Variants in SP110 observed in about 807,000 individuals in gnomAD.
SP110 encodes the protein interferon-induced protein 41, 30kD.
SP110 carries 62 observed loss-of-function variants against 92.7 expected under a neutral mutation model. The ratio of observed to expected loss-of-function variants is 0.67; its 90% CI spans 0.55 to 0.83. The LOEUF is 0.83. SP110 is among the 40% of genes least tolerant of loss of function. The pLI is 0.00. For missense variants in SP110, 793 were observed against 863.9 expected (o/e 0.92, Z 1.03); for synonymous variants, 273 against 305.3 (o/e 0.89, Z 1.10).
intron 16 of SP110, 60 bp downstream of exon 16, chr2:230,172,006 T>G: frequency 9.5e-7 from 1 of 1,048,610 alleles, no homozygotes; most frequent in East Asian, 2.4e-5. Flanking sequence ...ACCCTGTGCC[T>G]GTTTGTGCTT....
intron 10 of SP110, 58 bp from the exon 11 acceptor site, chr2:230,186,201 C>T: frequency 1.3e-6 from 2 of 1,561,788 alleles, no homozygotes; most frequent in East Asian, 2.3e-5. Flanking sequence ...TTCCCAGCCC[C>T]TACCCTTTCA....
At chr2:230,178,343 A>G (rs916932190) in intron 12 of SP110, 88 bp from the exon 13 acceptor site, 13 of 786,168 alleles carry the variant, frequency 1.7e-5, no homozygotes, top group Non-Finnish European at 2.6e-5. Context: ...CCAATAATGT[A>G]CAGGGTATTG....
At chr2:230,175,945 C>CTTTTTTTTTTTTTTTTTTTTTTT in intron 14 of SP110, among the ~76,000 whole-genome samples, 1 of 130,746 alleles carries the variant, frequency 7.6e-6, no homozygotes, top group Non-Finnish European at 1.6e-5. Flanking sequence ...CTGCAGCATT[C>CTTTTTTTTTTTTTTTTTTTTTTT]TTTTTTTTTT....
At chr2:230,176,367 G>A in intron 14 of SP110, 1 of 953,684 alleles carries the variant, frequency 1.0e-6, no homozygotes, top group South Asian at 1.8e-5. Context: ...ATTTGTTAGA[G>A]ATGGGGTCTT....
chr2:230,176,518 A>G, intron 14 of SP110: 1 of 1,562,982 alleles, frequency 6.4e-7, no homozygotes, highest in Non-Finnish European at 8.6e-7. Flanking sequence ...TTGCTTCCCC[A>G]TCCCAAATTA....
chr2:230,189,603 C>T lies in SP110; in HGVS notation c.1130-3460G>A, dbSNP rs115907124. 2.4e-3 allele frequency among the ~76,000 whole-genome samples: 368 copies of T among 152,220 alleles called. 2 individuals carry two copies. The highest frequency in any genetic ancestry group is 4.1e-3 in the Non-Finnish European group (281 of 68,018). Reference sequence around the variant, plus strand: ...AAAAAACCCCCCAAAATGGGACACACGTGCAGAACATGCAGGTTTCTTACA... The same window carrying T: ...AAAAAACCCCCCAAAATGGGACACATGTGCAGAACATGCAGGTTTCTTACA... On this transcript the variant is annotated intron_variant, in intron 10 of 18. Transcript: ENST00000258381.
intron 8 of SP110, among the ~76,000 whole-genome samples, chr2:230,206,595 T>TTATATATATATATA (rs56817002): frequency 0.021 from 1,478 of 69,732 alleles, 76 homozygotes; most frequent in East Asian, 0.031. Flanking sequence ...GGTCCAGATT[T>TTATATATATATATA]TATATATATA....
rs530524032 is a variant in SP110, at chr2:230,198,410, T to C, written c.1129+2475A>G. On this transcript the variant is annotated intron_variant, in intron 10 of 18. Transcript: ENST00000258381. ...TGGAACTAGAGGAGGGCAGTCATAA[T>C]GCCCACCATAAACATGGGCAGGGTG... Among the ~76,000 whole-genome samples the C allele has an allele frequency of 2.6e-5, 4 of 152,324 alleles. No individual in the cohort carries two copies. In the East Asian group the frequency reaches 7.7e-4, roughly 29 times the overall value.
intron 11 of SP110, among the ~76,000 whole-genome samples, chr2:230,184,434 G>C (rs13397352): frequency 6.6e-6 from 1 of 152,090 alleles, no homozygotes; most frequent in African/African-American, 2.4e-5. Context: ...AGCTGCTACT[G>C]GCATCTAATG....
chr2:230,202,807 C>G, intron 8 of SP110, 79 bp from the exon 9 acceptor site: 1 of 1,332,120 alleles, frequency 7.5e-7, no homozygotes, highest in Non-Finnish European at 1.1e-6. Context: ...AGTGACTTCC[C>G]TTCTCATGCC....
chr2:230,209,138 A>C (rs1196177967), intron 7 of SP110, among the ~76,000 whole-genome samples: 1 of 152,036 alleles, frequency 6.6e-6, no homozygotes, highest in East Asian at 1.9e-4. Flanking sequence ...AAAAGGAGAA[A>C]AGCTCAAGGA....
At chr2:230,173,649 T>C (rs2041715593) in intron 14 of SP110, 1 of 152,436 alleles carries the variant, frequency 6.6e-6, no homozygotes, top group Non-Finnish European at 1.5e-5. Flanking sequence ...TTATCCCCAC[T>C]GTTTCTCCAT....
intron 12 of SP110, among the ~76,000 whole-genome samples, chr2:230,178,566 T>A (rs913090727): frequency 6.6e-6 from 1 of 152,196 alleles, no homozygotes; most frequent in Non-Finnish European, 1.5e-5. Flanking sequence ...TCTATAAGCA[T>A]CCTGCTGATC....
chr2:230,180,008 T>A (rs1275491768), intron 12 of SP110, among the ~76,000 whole-genome samples: 1 of 152,156 alleles, frequency 6.6e-6, no homozygotes, highest in Non-Finnish European at 1.5e-5. Flanking sequence ...CTACTCATCT[T>A]ACCAACCAGG....
chr2:230,204,312 A>G (rs1372178643), intron 8 of SP110, among the ~76,000 whole-genome samples: 1 of 152,216 alleles, frequency 6.6e-6, no homozygotes, highest in African/African-American at 2.4e-5. Flanking sequence ...TTGCATAGAC[A>G]TTCCCTGTCT....
At chr2:230,190,401 T>C (rs111271227) in intron 10 of SP110, among the ~76,000 whole-genome samples, 4,214 of 152,018 alleles carry the variant, frequency 0.028, 199 homozygotes, top group African/African-American at 0.096. Flanking sequence ...TTTGATGGAG[T>C]TGTTTGTTTT....
At chr2:230,192,828 G>A (rs1559153831) in intron 10 of SP110, among the ~76,000 whole-genome samples, 1 of 152,186 alleles carries the variant, frequency 6.6e-6, no homozygotes, top group Non-Finnish European at 1.5e-5. Context: ...ATGTGCTGAT[G>A]AGAAGAATGT....
At chr2:230,221,388 T>A (rs1447098598), upstream of SP110, among the ~76,000 whole-genome samples, 6 of 151,872 alleles carry the variant, frequency 4.0e-5, no homozygotes, top group Non-Finnish European at 4.4e-5. Context: ...ACTCCTCAGA[T>A]AAAAGATGGG....
At position 230,165,757 on chromosome 2, in the gene SP110, A is replaced by G. The variant is rs907619182; in HGVS notation, c.*3367T>C. Among the ~76,000 whole-genome samples the G allele has an allele frequency of 5.3e-5, 8 of 152,212 alleles. No individual in the cohort carries two copies. The highest frequency in any genetic ancestry group is 7.3e-5 in the Non-Finnish European group (5 of 68,030). On this transcript the variant is annotated 3_prime_UTR_variant, in exon 19 of 19. Coordinates refer to ENST00000258381, the MANE Select transcript of SP110 (RefSeq NM_080424.4). ...AAGTCAAAATGCATTGGGAAAACTT[A>G]TGGGTAAATATTGGAACTAAAAGCC... is the stretch of plus-strand genomic sequence containing the variant.
Sources: gnomAD v4.1 joint callset for allele counts (sites outside exome capture counted in the v4.1 genomes callset) on GRCh38, gnomAD v4.1.1 for gene constraint, MANE v1.5 for transcripts, NCBI Gene and HGNC (gene_info 2026-07-23, HGNC 2026-07-21) for gene names.